Variants in ALG6 observed in about 807,000 individuals in gnomAD.
ALG6 encodes dolichyl pyrophosphate Man9GlcNAc2 alpha-1,3-glucosyltransferase.
In ALG6, 46 loss-of-function variants were observed where a neutral mutation model predicts 66.6. The observed-to-expected ratio is 0.69, with a 90% CI of 0.55 to 0.88. The LOEUF (loss-of-function observed/expected upper bound fraction) is 0.88. ALG6 is among the 40% of genes least tolerant of loss of function. ALG6 has a pLI of 0.00. For missense variants in ALG6, 505 were observed against 586.8 expected (o/e 0.86, Z 1.44); for synonymous variants, 185 against 203.7 (o/e 0.91, Z 0.78).
At chr1:63,422,239 A>ATC (rs1557594955) in intron 12 of ALG6, among the ~76,000 whole-genome samples, 584 of 45,436 alleles carry the variant, frequency 0.013, 15 homozygotes, top group Middle Eastern at 0.038. Context: ...ATAAATATAT[A>ATC]TATAAATATA....
chr1:63,422,684 A>C (rs1644594146), intron 12 of ALG6, among the ~76,000 whole-genome samples: 1 of 151,684 alleles, frequency 6.6e-6, no homozygotes, highest in African/African-American at 2.4e-5. Context: ...GGCCGGGCAC[A>C]GTGGCTCATG....
rs766146156 is a variant in ALG6 at position 63,371,107 on chromosome 1, T to A, written c.82+48T>A. ...AAAAAAAACGAAATTTTCCTTTGAATAGGTGTTTGTTTGGGGAAAAGTTTA... is the reference window on the plus strand; with the variant it reads ...AAAAAAAACGAAATTTTCCTTTGAAAAGGTGTTTGTTTGGGGAAAAGTTTA... On this transcript the variant is annotated intron_variant, in intron 2 of 14. Coordinates refer to ENST00000263440, the MANE Select transcript of ALG6 (RefSeq NM_013339.4). 4 of 1,316,048 alleles carry A rather than the reference T, an allele frequency of 3.0e-6. No individual in the cohort carries two copies. The African/African-American group carries it at 5.8e-5, about 19-fold the overall frequency. 81.5% of individuals were successfully genotyped at this position (1,316,048 alleles called of 1,614,324 possible).
At chr1:63,431,262 AT>A (rs1187558406) in intron 14 of ALG6, among the ~76,000 whole-genome samples, 2 of 152,212 alleles carry the variant, frequency 1.3e-5, no homozygotes, top group Non-Finnish European at 2.9e-5. Flanking sequence ...GAAATTGAAA[AT>A]GCAAGTCCAC....
At chr1:63,398,360 C>T (rs1644422090) in intron 3 of ALG6, among the ~76,000 whole-genome samples, 1 of 152,310 alleles carries the variant, frequency 6.6e-6, no homozygotes, top group East Asian at 1.9e-4. Flanking sequence ...TAAAGTAACA[C>T]CAGGATATCT....
At chr1:63,376,655 T>G (rs1557579276) in intron 2 of ALG6, among the ~76,000 whole-genome samples, 1 of 152,210 alleles carries the variant, frequency 6.6e-6, no homozygotes, top group Non-Finnish European at 1.5e-5. Context: ...ATATTTTAAA[T>G]TTAAGTAGAT....
At chr1:63,391,600 A>G (rs1648674930) in intron 2 of ALG6, among the ~76,000 whole-genome samples, 2 of 152,300 alleles carry the variant, frequency 1.3e-5, no homozygotes, top group African/African-American at 2.4e-5. Flanking sequence ...TAAAATATTC[A>G]ATATGCCAAG....
chr1:63,382,093 T>C (rs1284834829), intron 2 of ALG6, among the ~76,000 whole-genome samples: 1 of 151,910 alleles, frequency 6.6e-6, no homozygotes, highest in East Asian at 1.9e-4. Flanking sequence ...TTTTTAAAAG[T>C]TTTTTTGCTT....
Position 63,411,259 on chromosome 1 carries a change from A to G in ALG6, c.608A>G (p.Glu203Gly). Reference protein sequence around the residue: ...FCLAINYKQMELYHALPFFCF... With the variant: ...FCLAINYKQMGLYHALPFFCF... The stretch of plus-strand genomic sequence containing the variant: ...TTAGCTATAAATTATAAACAGATGG[A>G]ACTTTACCACGCCTTGCCATTTTTT... Residue 203 changes from glutamate to glycine, a missense_variant, in exon 8 of 15, where the codon GAA becomes GGA. By Grantham distance (98) the Glu-to-Gly change is moderately conservative (BLOSUM62 -2). Transcript: ENST00000263440. The G allele has an allele frequency of 6.2e-7, 1 of 1,613,950 alleles. No homozygotes were observed. The highest frequency in any genetic ancestry group is 8.5e-7 in the Non-Finnish European group (1 of 1,179,894).
At chr1:63,420,444 G>A (rs138473862) in intron 12 of ALG6, among the ~76,000 whole-genome samples, 343 of 152,244 alleles carry the variant, frequency 2.3e-3, no homozygotes, top group African/African-American at 8.0e-3. Flanking sequence ...CCTATAATCT[G>A]ACCAGATTAG....
chr1:63,404,540 A>G lies in ALG6; in HGVS notation c.345A>G (p.Thr115=). Residue 115 remains threonine, a splice_region_variant and synonymous_variant, in exon 5 of 15, where the codon ACA becomes ACG. Coordinates refer to ENST00000263440, the MANE Select transcript of ALG6 (RefSeq NM_013339.4). ...SQAHKLFMRT[T]VLIADLLIYI... Reference sequence around the variant, plus strand: ...CACATAAGCTCTTCATGCGTACAACAGGTAAAAGAGCAATGGGTAGTGAAT... The same window carrying G: ...CACATAAGCTCTTCATGCGTACAACGGGTAAAAGAGCAATGGGTAGTGAAT... The G allele has an allele frequency of 6.2e-7, 1 of 1,612,824 alleles. No homozygotes were observed. The highest frequency in any genetic ancestry group is 8.5e-7 in the Non-Finnish European group (1 of 1,178,920).
chr1:63,423,832 C>T (rs1269458260), intron 12 of ALG6, among the ~76,000 whole-genome samples: 1 of 152,132 alleles, frequency 6.6e-6, no homozygotes, highest in African/African-American at 2.4e-5. Context: ...AGTCTATACT[C>T]AGGAGTAGAA....
intron 14 of ALG6, among the ~76,000 whole-genome samples, chr1:63,432,933 A>C (rs758272503): frequency 1.3e-5 from 2 of 152,130 alleles, no homozygotes; most frequent in African/African-American, 2.4e-5. Context: ...TGCTTGCCTA[A>C]TTTTTATTTT....
At chr1:63,384,117 A>G (rs1229099098) in intron 2 of ALG6, among the ~76,000 whole-genome samples, 1 of 152,236 alleles carries the variant, frequency 6.6e-6, no homozygotes, top group Non-Finnish European at 1.5e-5. Flanking sequence ...TGCAATAAAC[A>G]TAAGAGTGGA....
At chr1:63,399,423 C>G (rs1644432873) in intron 3 of ALG6, among the ~76,000 whole-genome samples, 1 of 152,132 alleles carries the variant, frequency 6.6e-6, no homozygotes, top group African/African-American at 2.4e-5. Flanking sequence ...GGAGTCTGAA[C>G]AGCAGGAGAT....
At position 63,437,270 on chromosome 1, in the gene ALG6, G is replaced by A; in HGVS notation, c.*250G>A. The A allele has an allele frequency of 2.4e-6, 1 of 413,368 alleles. No individual in the cohort carries two copies. The highest frequency in any genetic ancestry group is 4.5e-6 in the Non-Finnish European group (1 of 223,448). The allele number at this position is 413,368 out of a possible 1,614,324, so 25.6% of individuals were successfully genotyped here. A position where few individuals can be genotyped will look rare whatever the true frequency, so the allele number is the denominator to read the frequency against. ...GGTTTTATTATTCACAGCTATTCAA[G>A]TGGGGAAAAAAGAGAAACATGTCCT... On this transcript the variant is annotated 3_prime_UTR_variant, in exon 15 of 15. Coordinates refer to ENST00000263440, the MANE Select transcript of ALG6 (RefSeq NM_013339.4).
chr1:63,408,459 G>T (rs370555296), intron 7 of ALG6, among the ~76,000 whole-genome samples: 13 of 152,172 alleles, frequency 8.5e-5, no homozygotes, highest in African/African-American at 3.1e-4. Context: ...TTCCCAGTTT[G>T]GGCCATGACG....
At chr1:63,411,891 C>T in intron 8 of ALG6, 35 bp from the exon 9 acceptor site, 1 of 1,613,806 alleles carries the variant, frequency 6.2e-7, no homozygotes, top group East Asian at 2.2e-5. Flanking sequence ...ACTGACCTTT[C>T]CCTATCTTAC....
intron 5 of ALG6, among the ~76,000 whole-genome samples, chr1:63,405,391 C>T (rs529522562): frequency 2.5e-4 from 38 of 152,262 alleles, no homozygotes; most frequent in African/African-American, 8.9e-4. Flanking sequence ...TTAAAAATTA[C>T]TTTCTAAATT....
chr1:63,407,155 C>T, intron 7 of ALG6, 29 bp downstream of exon 7: 19 of 1,513,850 alleles, frequency 1.3e-5, no homozygotes, highest in Non-Finnish European at 1.7e-5. Context: ...GAAATGAAGT[C>T]AGTTGCATAT....
Sources: gnomAD v4.1 joint callset for allele counts (sites outside exome capture counted in the v4.1 genomes callset) on GRCh38, gnomAD v4.1.1 for gene constraint, MANE v1.5 for transcripts, NCBI Gene and HGNC (gene_info 2026-07-23, HGNC 2026-07-21) for gene names.